ZNF385D: variants seen among roughly 807,000 people sequenced by gnomAD.
ZNF385D encodes zinc finger protein 659.
In ZNF385D, 15 loss-of-function variants were observed where a neutral mutation model predicts 35.8. The ratio of observed to expected loss-of-function variants is 0.42; its 90% CI spans 0.28 to 0.64. ZNF385D has a LOEUF of 0.64. Ranked by LOEUF, ZNF385D falls within the 30% of genes least tolerant of loss-of-function variation. The pLI is 0.23. For missense variants in ZNF385D, 474 were observed against 494.6 expected (o/e 0.96, Z 0.39); for synonymous variants, 212 against 186.8 (o/e 1.13, Z -1.10).
intron 1 of ZNF385D, among the ~76,000 whole-genome samples, chr3:21,737,188 C>A (rs1159782239): frequency 6.6e-6 from 1 of 152,146 alleles, no homozygotes; most frequent in Admixed American, 6.5e-5. Flanking sequence ...GATCCGCCTG[C>A]CTTGGCCTCC....
intron 3 of ZNF385D, among the ~76,000 whole-genome samples, chr3:22,120,090 A>G (rs1430286592): frequency 6.6e-6 from 1 of 151,232 alleles, no homozygotes; most frequent in Non-Finnish European, 1.5e-5. Context: ...TCAACCTCCC[A>G]AAGTACTAGG....
At chr3:21,823,934 T>C (rs1694436509) in intron 3 of ZNF385D, among the ~76,000 whole-genome samples, 1 of 152,158 alleles carries the variant, frequency 6.6e-6, no homozygotes, top group African/African-American at 2.4e-5. Flanking sequence ...TCAGGTGAAG[T>C]TGTCACTTTA....
At chr3:22,320,563 T>C (rs1246970257) in intron 2 of ZNF385D, among the ~76,000 whole-genome samples, 2 of 150,944 alleles carry the variant, frequency 1.3e-5, no homozygotes, top group African/African-American at 4.9e-5. Context: ...AATGTATACA[T>C]AGATAAGTAT....
At chr3:22,230,546 A>G (rs1380969592) in intron 2 of ZNF385D, among the ~76,000 whole-genome samples, 2 of 152,288 alleles carry the variant, frequency 1.3e-5, no homozygotes, top group Middle Eastern at 3.4e-3. Context: ...GCCCCAGACT[A>G]TACACCCCTA....
chr3:21,756,691 G>T (rs2070354085), intron 3 of ZNF385D, among the ~76,000 whole-genome samples: 1 of 152,216 alleles, frequency 6.6e-6, no homozygotes, highest in Admixed American at 6.5e-5. Flanking sequence ...GGGAGTTAGT[G>T]ATGAATATTT....
chr3:21,784,975 C>A (rs1267731329), intron 3 of ZNF385D, among the ~76,000 whole-genome samples: 1 of 151,880 alleles, frequency 6.6e-6, no homozygotes, highest in Non-Finnish European at 1.5e-5. Context: ...TTTTTGGTGA[C>A]CCCTTAAATG....
chr3:21,864,907 T>A (rs1697254864), intron 3 of ZNF385D, among the ~76,000 whole-genome samples: 1 of 151,436 alleles, frequency 6.6e-6, no homozygotes, highest in Non-Finnish European at 1.5e-5. Flanking sequence ...CCTTGAGAGT[T>A]TATAGTGCTA....
At chr3:22,088,377 A>G (rs1433063596) in intron 3 of ZNF385D, among the ~76,000 whole-genome samples, 1 of 152,198 alleles carries the variant, frequency 6.6e-6, no homozygotes, top group African/African-American at 2.4e-5. Context: ...GGGGCCTGGT[A>G]ACACTCAGTC....
At chr3:21,823,471 G>A (rs1449988567) in intron 3 of ZNF385D, among the ~76,000 whole-genome samples, 2 of 151,984 alleles carry the variant, frequency 1.3e-5, no homozygotes, top group African/African-American at 2.4e-5. Flanking sequence ...ACACACGGAC[G>A]CAGCACACTC....
chr3:22,172,243 C>G (rs1302831733), intron 2 of ZNF385D, among the ~76,000 whole-genome samples: 1 of 152,114 alleles, frequency 6.6e-6, no homozygotes, highest in African/African-American at 2.4e-5. Flanking sequence ...CTGGAATTAT[C>G]CTGAGAGTAA....
chr3:22,266,563 T>G (rs1700906619), intron 2 of ZNF385D, among the ~76,000 whole-genome samples: 1 of 151,704 alleles, frequency 6.6e-6, no homozygotes, highest in Non-Finnish European at 1.5e-5. Flanking sequence ...AAAGCACAAT[T>G]AGAAAGGAGA....
intron 1 of ZNF385D, among the ~76,000 whole-genome samples, chr3:21,727,369 C>T (rs1259768972): frequency 1.2e-4 from 19 of 152,134 alleles, no homozygotes; most frequent in Non-Finnish European, 4.4e-5. Flanking sequence ...AAGAAACTAT[C>T]ATCAGAGGGA....
chr3:21,452,912 A>G (rs1559460125), intron 4 of ZNF385D, among the ~76,000 whole-genome samples: 1 of 152,018 alleles, frequency 6.6e-6, no homozygotes, highest in Non-Finnish European at 1.5e-5. Flanking sequence ...ATATTGAAAA[A>G]GAAGAATAAA....
In ZNF385D at chr3:22,345,849, C is replaced by G. The variant is rs73822151; in HGVS notation, c.106+26601G>C. 5.3e-3 allele frequency among the ~76,000 whole-genome samples: 810 copies of G among 152,268 alleles called. 4 individuals carry two copies. Among genetic ancestry groups the G allele is most frequent in the African/African-American group, 0.019 (781 of 41,556 alleles). ...TCGCAGTCTGCATGCAATGACTGGT[C>G]AACATGAAGGTATAAAGTCTGCACT... On this transcript the variant is annotated intron_variant, in intron 2 of 5. Transcript: ENST00000494108.
At chr3:21,458,989 G>A (rs188486318) in intron 4 of ZNF385D, among the ~76,000 whole-genome samples, 83 of 152,270 alleles carry the variant, frequency 5.5e-4, no homozygotes, top group African/African-American at 1.9e-3. Flanking sequence ...AAAGTAATAC[G>A]TTGTGAAAAT....
intron 2 of ZNF385D, among the ~76,000 whole-genome samples, chr3:21,612,065 C>A (rs948862114): frequency 1.3e-5 from 2 of 151,844 alleles, no homozygotes; most frequent in Non-Finnish European, 2.9e-5. Context: ...TCAGGAAATT[C>A]TGTGGAGCAG....
Position 21,680,940 on chromosome 3 carries a change from TAC to T in ZNF385D, c.23-15914_23-15913del, listed in dbSNP as rs1206421501. On this transcript the variant is annotated intron_variant, in intron 1 of 7. Transcript: ENST00000281523. ...CAGACAGTCCCTTACATCGCAATGT[TAC>T]ACACACAGCCTTTCAACGGCTGCTG... 7.2e-5 allele frequency among the ~76,000 whole-genome samples: 11 copies of T among 152,296 alleles called. No individual in the cohort carries two copies. The East Asian group carries it at 1.9e-3, about 27-fold the overall frequency.
At chr3:22,190,410 G>A (rs1339962727) in intron 2 of ZNF385D, among the ~76,000 whole-genome samples, 2 of 152,164 alleles carry the variant, frequency 1.3e-5, no homozygotes, top group Non-Finnish European at 2.9e-5. Flanking sequence ...TCATGTATTA[G>A]TAACCTTAAT....
intron 3 of ZNF385D, chr3:21,542,848 C>T (rs2062225016): frequency 6.6e-6 from 1 of 152,200 alleles, no homozygotes; most frequent in African/African-American, 2.4e-5. Flanking sequence ...CCGACTTTCA[C>T]TCGATAAAAC....
Sources: gnomAD v4.1 joint callset for allele counts (sites outside exome capture counted in the v4.1 genomes callset) on GRCh38, gnomAD v4.1.1 for gene constraint, MANE v1.5 for transcripts, NCBI Gene and HGNC (gene_info 2026-07-23, HGNC 2026-07-21) for gene names.